MYO16: variants seen among roughly 807,000 people sequenced by gnomAD.
MYO16 encodes the protein unconventional myosin-XVI.
A neutral mutation model predicts 205.3 loss-of-function variants in MYO16; 94 were observed. The observed-to-expected ratio is 0.46, with a 90% CI of 0.39 to 0.54. The LOEUF (loss-of-function observed/expected upper bound fraction) is 0.54. MYO16 is among the 20% of genes least tolerant of loss of function. The probability of loss-of-function intolerance (pLI) is 0.00; values close to 1 mark genes in which losing one functional copy is unlikely to be tolerated. For synonymous variants in MYO16, 988 were observed against 954.0 expected (o/e 1.04, Z -0.66); for missense variants, 2,315 against 2,387.5 (o/e 0.97, Z 0.63).
the MYO16 span, among the ~76,000 whole-genome samples, chr13:108,507,281 T>A: frequency 1.3e-5 from 2 of 152,174 alleles, no homozygotes; most frequent in African/African-American, 2.4e-5. Context: ...TTAAAGGGGC[T>A]CCCTTTAATG....
intron 33 of MYO16, 135 bp downstream of exon 33, chr13:109,165,194 C>A (rs1878592617): frequency 6.4e-6 from 4 of 620,416 alleles, no homozygotes; most frequent in Non-Finnish European, 1.1e-5. Flanking sequence ...CATGAAACTC[C>A]CCTGCAAGTA....
intron 2 of MYO16, among the ~76,000 whole-genome samples, chr13:108,677,356 C>CATATATATATATATATATATATGCAT (rs200135645): frequency 3.0e-5 from 3 of 98,544 alleles, no homozygotes; most frequent in Non-Finnish European, 4.6e-5. Context: ...TATATATATG[C>CATATATATATATATATATATATGCAT]ATATATATAT....
chr13:108,993,003 A>G (rs1884886977), intron 21 of MYO16, among the ~76,000 whole-genome samples: 1 of 152,204 alleles, frequency 6.6e-6, no homozygotes, highest in African/African-American at 2.4e-5. Context: ...TTTATTAAGT[A>G]TACCTAAAAA....
At position 109,192,452 on chromosome 13, in the gene MYO16, T is replaced by TATC. The variant is rs1879962586; in HGVS notation, c.5415+12820_5415+12822dup. Reference sequence around the variant, plus strand: ...GTACCCACATTATTTGTTCTGACATTATCTTAAGGGCACTGTAATTGAGCC... The same window carrying TATC: ...GTACCCACATTATTTGTTCTGACATTATCATCTTAAGGGCACTGTAATTGAGCC... On this transcript the variant is annotated intron_variant, in intron 34 of 34. Transcript: ENST00000457511. Among the ~76,000 whole-genome samples the TATC allele has an allele frequency of 2.6e-5, 4 of 152,320 alleles. No individual in the cohort carries two copies. The South Asian group carries it at 8.3e-4, about 32-fold the overall frequency.
rs542902812 is a variant in MYO16 at position 109,078,559 on chromosome 13, T to C, written c.3336-22226T>C. 3.7e-4 allele frequency among the ~76,000 whole-genome samples: 56 copies of C among 152,370 alleles called. No individual in the cohort carries two copies. In the South Asian group the frequency reaches 0.011, roughly 30 times the overall value. ...AATTGATTAATTTTTGTCTTTATTA[T>C]AGATTGTATATTTCCACTTCTTTGC... On this transcript the variant is annotated intron_variant, in intron 27 of 34. Transcript: ENST00000457511.
chr13:108,820,264 C>A, intron 7 of MYO16, 73 bp from the exon 8 acceptor site: 1 of 1,091,936 alleles, frequency 9.2e-7, no homozygotes, highest in Non-Finnish European at 1.4e-6. Flanking sequence ...TTGGACAGCA[C>A]AGTGTATGAC....
chr13:109,038,289 TCAGTAGACTGATTAA>T (rs1566475461), intron 23 of MYO16, among the ~76,000 whole-genome samples: 2 of 151,982 alleles, frequency 1.3e-5, no homozygotes, highest in African/African-American at 4.8e-5. Context: ...TAGCATTTGA[TCAGTAGACTGATTAA>T]GCTGTTGCCC....
intron 17 of MYO16, among the ~76,000 whole-genome samples, chr13:108,958,956 A>G (rs1883481520): frequency 6.6e-6 from 1 of 151,988 alleles, no homozygotes. Flanking sequence ...TCTTCTATTT[A>G]TTTTTCTGAA....
At chr13:108,825,172 G>A (rs1876184717) in intron 9 of MYO16, among the ~76,000 whole-genome samples, 1 of 152,002 alleles carries the variant, frequency 6.6e-6, no homozygotes, top group African/African-American at 2.4e-5. Flanking sequence ...ATCAGGTTGA[G>A]CCACATATAA....
intron 2 of MYO16, among the ~76,000 whole-genome samples, chr13:108,708,306 G>T (rs543429263): frequency 2.6e-5 from 4 of 152,146 alleles, no homozygotes; most frequent in East Asian, 3.9e-4. Flanking sequence ...ATTTTCAAAG[G>T]CTTTCTCAAA....
the MYO16 span, among the ~76,000 whole-genome samples, chr13:108,529,512 G>C: frequency 1.3e-5 from 2 of 152,106 alleles, no homozygotes; most frequent in African/African-American, 4.8e-5. Flanking sequence ...AGCTTCACTA[G>C]AGCTACTGAT....
intron 2 of MYO16, among the ~76,000 whole-genome samples, chr13:108,670,630 G>T (rs927977288): frequency 2.6e-5 from 4 of 152,224 alleles, no homozygotes; most frequent in Non-Finnish European, 5.9e-5. Flanking sequence ...TAGAAAAAAA[G>T]ATATAAAAAA....
chr13:109,129,434 C>T (rs1462041023), intron 31 of MYO16, among the ~76,000 whole-genome samples: 1 of 152,048 alleles, frequency 6.6e-6, no homozygotes, highest in East Asian at 1.9e-4. Flanking sequence ...AGAACAGGAC[C>T]TCCAAAGATA....
At chr13:109,048,074 T>C (rs1411527609) in intron 24 of MYO16, among the ~76,000 whole-genome samples, 1 of 151,390 alleles carries the variant, frequency 6.6e-6, no homozygotes, top group Non-Finnish European at 1.5e-5. Context: ...ACTTCTCTTT[T>C]ATGGAGATCT....
intron 10 of MYO16, among the ~76,000 whole-genome samples, chr13:108,849,619 T>TTGTGTGTGTG: frequency 1.2e-5 from 1 of 83,890 alleles, no homozygotes; most frequent in African/African-American, 5.0e-5. Context: ...ATTTCCTCTT[T>TTGTGTGTGTG]TGTGTGTGTG....
At chr13:108,663,711 G>A (rs1458300019) in intron 1 of MYO16, among the ~76,000 whole-genome samples, 1 of 152,168 alleles carries the variant, frequency 6.6e-6, no homozygotes, top group Non-Finnish European at 1.5e-5. Context: ...ATTTCACCAA[G>A]AGACGCTTCT....
intron 4 of MYO16, among the ~76,000 whole-genome samples, chr13:108,747,546 TAA>T (rs1318170323): frequency 1.3e-5 from 2 of 152,076 alleles, no homozygotes; most frequent in African/African-American, 4.8e-5. Context: ...ATTGTCGTGC[TAA>T]GACAGGATAT....
intron 16 of MYO16, among the ~76,000 whole-genome samples, chr13:108,919,702 A>C (rs1881656901): frequency 6.6e-6 from 1 of 152,212 alleles, no homozygotes; most frequent in African/African-American, 2.4e-5. Context: ...AATGTCACAA[A>C]CATTCTCAGG....
At chr13:108,897,827 A>G (rs1880504870) in intron 14 of MYO16, among the ~76,000 whole-genome samples, 189 bp from the exon 15 acceptor site, 2 of 152,192 alleles carry the variant, frequency 1.3e-5, no homozygotes, top group East Asian at 1.9e-4. Flanking sequence ...AGTAGCCACA[A>G]TTTGAGACAT....
Sources: gnomAD v4.1 joint callset for allele counts (sites outside exome capture counted in the v4.1 genomes callset) on GRCh38, gnomAD v4.1.1 for gene constraint, MANE v1.5 for transcripts, NCBI Gene and HGNC (gene_info 2026-07-23, HGNC 2026-07-21) for gene names.